Variants in CSMD3 observed in about 807,000 individuals in gnomAD.
CSMD3 encodes the protein CUB and Sushi multiple domains 3, also known as CUB and sushi domain-containing protein 3.
Under a neutral mutation model 435.2 loss-of-function variants are expected in CSMD3, and 177 were observed. The observed-to-expected ratio is 0.41, with a 90% CI of 0.36 to 0.46. CSMD3 has a LOEUF of 0.46. Among genes scored for constraint, CSMD3 ranks in the 20% least tolerant of loss-of-function variants. The probability of loss-of-function intolerance (pLI) is 0.34; values close to 1 mark genes in which losing one functional copy is unlikely to be tolerated. For missense variants in CSMD3, 4,265 were observed against 4,504.6 expected, an observed-to-expected ratio of 0.95 and a Z score of 1.52; for synonymous variants, 1,656 against 1,520.5, an observed-to-expected ratio of 1.09 and a Z score of -2.07.
chr8:112,298,919 T>C (rs1820624559), intron 53 of CSMD3, among the ~76,000 whole-genome samples: 1 of 152,208 alleles, frequency 6.6e-6, no homozygotes, highest in Middle Eastern at 3.4e-3. Flanking sequence ...TACATGAGCA[T>C]GCATAGCAGC....
intron 22 of CSMD3, among the ~76,000 whole-genome samples, chr8:112,625,337 CATATT>C (rs547726732): frequency 2.4e-3 from 358 of 152,080 alleles, no homozygotes; most frequent in African/African-American, 8.2e-3. Flanking sequence ...AGTGAGAAAT[CATATT>C]ATATTATCAG....
At chr8:113,211,169 T>C (rs1002965150) in intron 3 of CSMD3, among the ~76,000 whole-genome samples, 2 of 152,118 alleles carry the variant, frequency 1.3e-5, no homozygotes, top group Admixed American at 6.5e-5. Flanking sequence ...AGACACAAAA[T>C]TATATGTAAA....
rs1822821480 is a variant in CSMD3, at chr8:112,319,790, A to AG, written c.7246+110dup. The AG allele has an allele frequency of 2.5e-5, 20 of 796,214 alleles. 1 individual carries two copies. The South Asian group carries it at 2.7e-4, about 11-fold the overall frequency. 49.3% of individuals were successfully genotyped at this position (796,214 alleles called of 1,614,324 possible). A position where few individuals can be genotyped will look rare whatever the true frequency, so the allele number is the denominator to read the frequency against. ...AATTCTAAATAATCTCTATCAACAC[A>AG]GGGAATGAGGGTCTCAAGACAGGCT... On this transcript the variant is annotated intron_variant, in intron 46 of 70. Coordinates refer to ENST00000297405, the MANE Select transcript of CSMD3 (RefSeq NM_198123.2).
chr8:112,895,214 A>G (rs1219479138), intron 10 of CSMD3, among the ~76,000 whole-genome samples: 2 of 151,490 alleles, frequency 1.3e-5, no homozygotes, highest in East Asian at 3.9e-4. Context: ...CAAATGGTAT[A>G]TAAGCTATAT....
intron 1 of CSMD3, among the ~76,000 whole-genome samples, chr8:113,388,254 A>G (rs1024548232): frequency 9.2e-5 from 14 of 151,658 alleles, no homozygotes; most frequent in Non-Finnish European, 7.4e-5. Flanking sequence ...AGTTCCCATG[A>G]AAAATAGTAT....
intron 35 of CSMD3, among the ~76,000 whole-genome samples, chr8:112,401,396 C>T (rs1029142016): frequency 1.3e-5 from 2 of 151,754 alleles, no homozygotes. Context: ...TATATCTTGC[C>T]TCTTTCTAAC....
chr8:112,829,399 A>C (rs1443957997), intron 12 of CSMD3, among the ~76,000 whole-genome samples: 1 of 152,096 alleles, frequency 6.6e-6, no homozygotes, highest in African/African-American at 2.4e-5. Context: ...TGACACCTTA[A>C]TCTTGTATTT....
intron 5 of CSMD3, among the ~76,000 whole-genome samples, chr8:113,032,157 G>A (rs923750300): frequency 4.0e-5 from 6 of 151,532 alleles, no homozygotes; most frequent in African/African-American, 1.5e-4. Context: ...GTTGGTACTA[G>A]TAGAGCGAGT....
At chr8:112,370,047 AG>A (rs1828211280) in intron 38 of CSMD3, among the ~76,000 whole-genome samples, 1 of 75,936 alleles carries the variant, frequency 1.3e-5, no homozygotes, top group East Asian at 5.3e-4. Flanking sequence ...AAGAAGAAGA[AG>A]AAGAAGAAGA....
chr8:113,016,769 T>C (rs1564211706), intron 6 of CSMD3, among the ~76,000 whole-genome samples: 1 of 151,882 alleles, frequency 6.6e-6, no homozygotes, highest in African/African-American at 2.4e-5. Flanking sequence ...CATGGAACAA[T>C]GTAAAAAGCA....
At chr8:113,229,486 C>CA (rs553625609) in intron 3 of CSMD3, among the ~76,000 whole-genome samples, 605 of 135,162 alleles carry the variant, frequency 4.5e-3, no homozygotes, top group African/African-American at 8.8e-3. Flanking sequence ...CCTTTGCCAG[C>CA]AAAAAAAAAA....
rs182710845 is a variant in CSMD3 at position 113,128,892 on chromosome 8, C to T, written c.710-29929G>A. ...GAGAAAAAGTCAACTAAATGGCATA[C>T]ATTTATATGTCAAATTGGGTAGTAT... is the stretch of plus-strand genomic sequence containing the variant. On this transcript the variant is annotated intron_variant, in intron 4 of 70. Coordinates refer to ENST00000297405, the MANE Select transcript of CSMD3 (RefSeq NM_198123.2). Among the ~76,000 whole-genome samples, 78 of 152,196 alleles carry T rather than the reference C, an allele frequency of 5.1e-4. 1 individual carries two copies. The highest frequency in any genetic ancestry group is 6.8e-3 in the Middle Eastern group (2 of 294).
intron 3 of CSMD3, among the ~76,000 whole-genome samples, chr8:113,209,297 T>C (rs2092805296): frequency 6.6e-6 from 1 of 152,146 alleles, no homozygotes; most frequent in Admixed American, 6.6e-5. Flanking sequence ...AAGGTTGTAA[T>C]CTAATGAAGG....
At chr8:112,529,041 A>T (rs576526382) in intron 27 of CSMD3, among the ~76,000 whole-genome samples, 1 of 152,236 alleles carries the variant, frequency 6.6e-6, no homozygotes, top group Non-Finnish European at 1.5e-5. Context: ...TTTGCTGCTC[A>T]GCATAACATG....
Position 112,651,310 on chromosome 8 carries a change from A to G in CSMD3, c.3005-961T>C, listed in dbSNP as rs531994234. Among the ~76,000 whole-genome samples the G allele has an allele frequency of 9.2e-5, 14 of 152,314 alleles. No individual in the cohort carries two copies. In the East Asian group the frequency reaches 2.7e-3, roughly 29 times the overall value. ...GAGAAAATATTTATTTGTATTAGCT[A>G]CCCAATTCAAAAATGAAGCTAAACA... On this transcript the variant is annotated intron_variant, in intron 18 of 70. Coordinates refer to ENST00000297405, the MANE Select transcript of CSMD3 (RefSeq NM_198123.2).
chr8:112,814,132 C>T (rs963480291), intron 12 of CSMD3, among the ~76,000 whole-genome samples: 4 of 152,096 alleles, frequency 2.6e-5, no homozygotes, highest in Non-Finnish European at 4.4e-5. Flanking sequence ...CTTGAGGTTA[C>T]AGAAAGAATG....
At chr8:112,237,418 A>T (rs1421720563) in intron 66 of CSMD3, 70 bp from the exon 67 acceptor site, 2 of 1,127,998 alleles carry the variant, frequency 1.8e-6, no homozygotes, top group Non-Finnish European at 2.7e-6. Flanking sequence ...TAAATAGAGT[A>T]TTAGTTTATT....
chr8:113,245,844 T>C, intron 3 of CSMD3, among the ~76,000 whole-genome samples: 1 of 152,070 alleles, frequency 6.6e-6, no homozygotes, highest in African/African-American at 2.4e-5. Context: ...AGTTTTGGCA[T>C]ACCTGGAAAT....
chr8:113,278,499 T>C (rs887592548), intron 3 of CSMD3, 93 bp downstream of exon 3: 2 of 675,600 alleles, frequency 3.0e-6, no homozygotes, highest in Admixed American at 2.0e-5. Flanking sequence ...GACAACATGA[T>C]GTTGTCTCAA....
Sources: allele counts gnomAD v4.1 joint callset (sites outside exome capture counted in the v4.1 genomes callset), GRCh38; gene constraint gnomAD v4.1.1; transcripts MANE v1.5; gene names NCBI Gene and HGNC (gene_info 2026-07-23, HGNC 2026-07-21).